Variants in KLRG1 observed in about 807,000 individuals in gnomAD.
The protein encoded by KLRG1 is killer cell lectin like receptor G1.
A neutral mutation model predicts 21.8 loss-of-function variants in KLRG1; 16 were observed. That is an observed-to-expected ratio of 0.73 (90% CI 0.50 to 1.11). The LOEUF (loss-of-function observed/expected upper bound fraction) is 1.11. Among genes scored for constraint, KLRG1 ranks in the 50% most tolerant of loss-of-function variants. The pLI is 0.00. For synonymous variants in KLRG1, 69 were observed against 75.9 expected (o/e 0.91, Z 0.47); for missense variants, 173 against 218.3 (o/e 0.79, Z 1.31).
At chr12:9,148,557 A>C in the KLRG1 span, among the ~76,000 whole-genome samples, 1 of 152,106 alleles carries the variant, frequency 6.6e-6, no homozygotes, top group African/African-American at 2.4e-5. Context: ...ACTTCTCCTC[A>C]TCTCAAACAT....
chr12:9,121,614 G>A, the KLRG1 span, among the ~76,000 whole-genome samples: 1 of 152,138 alleles, frequency 6.6e-6, no homozygotes, highest in African/African-American at 2.4e-5. This position sits in a 1 kb window ranked among gnomAD's most constrained non-coding sequence, Gnocchi z 4.4. Flanking sequence ...GGATACACTT[G>A]GTCCTTTAGG....
chr12:9,003,543 A>G (rs1380816125), intron 3 of KLRG1, among the ~76,000 whole-genome samples: 2 of 152,032 alleles, frequency 1.3e-5, no homozygotes, highest in African/African-American at 4.8e-5. Flanking sequence ...AAATGCAAAA[A>G]TTTTAAGCTA....
chr12:9,109,424 G>A, the KLRG1 span: 1 of 1,592,386 alleles, frequency 6.3e-7, no homozygotes, highest in Admixed American at 1.7e-5. Context: ...TGGTGATAAA[G>A]AAGGTTGGTG....
the KLRG1 span, among the ~76,000 whole-genome samples, chr12:9,176,384 G>A: frequency 3.3e-5 from 5 of 152,180 alleles, no homozygotes; most frequent in African/African-American, 9.7e-5. Context: ...GATCTGTGCA[G>A]CAAATCACCA....
chr12:9,095,635 A>T, the KLRG1 span: 1 of 1,612,744 alleles, frequency 6.2e-7, no homozygotes, highest in Non-Finnish European at 8.5e-7. Flanking sequence ...TGCAGTCTTC[A>T]TTGTCCTGGT....
At chr12:9,067,250 G>A in the KLRG1 span, 1 of 155,874 alleles carries the variant, frequency 6.4e-6, no homozygotes, top group African/African-American at 2.4e-5. Context: ...ATCTATTATT[G>A]AATCTGAAAC....
chr12:9,153,731 C>G, the KLRG1 span, among the ~76,000 whole-genome samples: 1 of 152,124 alleles, frequency 6.6e-6, no homozygotes, highest in African/African-American at 2.4e-5. Context: ...AGACAAGTTG[C>G]ACTTTCTTGA....
intron 1 of KLRG1, among the ~76,000 whole-genome samples, chr12:8,961,349 C>T (rs1017648762): frequency 1.3e-5 from 2 of 152,110 alleles, no homozygotes; most frequent in African/African-American, 2.4e-5. Context: ...AAACAGGCCT[C>T]AAAAGGATCA....
At chr12:9,127,512 G>A in the KLRG1 span, among the ~76,000 whole-genome samples, 2 of 152,100 alleles carry the variant, frequency 1.3e-5, no homozygotes, top group Non-Finnish European at 2.9e-5. Flanking sequence ...ACCGTTCTCT[G>A]CCTCACCCTA....
chr12:9,090,392 G>T, the KLRG1 span: 1 of 1,613,992 alleles, frequency 6.2e-7, no homozygotes, highest in Non-Finnish European at 8.5e-7. Context: ...GACACAGTTT[G>T]CCGCCCGTTT....
At chr12:9,109,744 A>G in the KLRG1 span, 4 of 955,834 alleles carry the variant, frequency 4.2e-6, no homozygotes, top group East Asian at 9.7e-5. Flanking sequence ...GGTGTAATTA[A>G]TTCTACTCCA....
the KLRG1 span, among the ~76,000 whole-genome samples, chr12:9,215,224 A>G: frequency 1.3e-5 from 2 of 152,018 alleles, no homozygotes; most frequent in Non-Finnish European, 2.9e-5. Context: ...ATTTCAAACA[A>G]TGGACCCTTG....
chr12:8,993,444 A>G (rs1405862674), intron 2 of KLRG1, among the ~76,000 whole-genome samples: 1 of 151,896 alleles, frequency 6.6e-6, no homozygotes, highest in Admixed American at 6.6e-5. Flanking sequence ...ACCTGCCACC[A>G]CGCCCAGCTA....
At chr12:9,027,625 A>G in the KLRG1 span, 1 of 875,914 alleles carries the variant, frequency 1.1e-6, no homozygotes, top group Non-Finnish European at 1.9e-6. Context: ...CCACCACCAC[A>G]GGGGCCAGAG....
the KLRG1 span, chr12:9,077,838 T>G: frequency 6.2e-7 from 1 of 1,614,132 alleles, no homozygotes; most frequent in South Asian, 1.1e-5. Flanking sequence ...GCAAAAGTCT[T>G]CAGAACAAAG....
chr12:9,152,310 A>G, the KLRG1 span: 1 of 1,609,412 alleles, frequency 6.2e-7, no homozygotes, highest in Non-Finnish European at 8.5e-7. Context: ...TTCCTGTGTA[A>G]CTGTAGTGTC....
chr12:8,978,640 T>TTTTC (rs202186076), intron 1 of KLRG1, among the ~76,000 whole-genome samples: 10,282 of 107,540 alleles, frequency 0.096, 397 homozygotes, highest in East Asian at 0.14. Context: ...TTTTTCTTTC[T>TTTTC]TTTCTTTCTT....
chr12:9,104,125 C>A, the KLRG1 span: 2 of 1,049,702 alleles, frequency 1.9e-6, no homozygotes, highest in Non-Finnish European at 2.7e-6. Flanking sequence ...TTTCTAATTG[C>A]TAGTTTTTTT....
chr12:9,164,100 G>C, the KLRG1 span: 2 of 1,588,764 alleles, frequency 1.3e-6, no homozygotes, highest in East Asian at 4.5e-5. Flanking sequence ...CGTCCTTGTT[G>C]ATTGATAGGC....
Sources: gnomAD v4.1 joint callset for allele counts (sites outside exome capture counted in the v4.1 genomes callset) on GRCh38, gnomAD v4.1.1 for gene constraint, Gnocchi (gnomAD v3.1) non-coding constraint, MANE v1.5 for transcripts, NCBI Gene and HGNC (gene_info 2026-07-23, HGNC 2026-07-21) for gene names.